The following PLCH1 variants were observed in gnomAD, a reference collection of about 807,000 sequenced individuals.
PLCH1 encodes the protein phospholipase C eta 1, also known as 1-phosphatidylinositol 4,5-bisphosphate phosphodiesterase eta-1.
PLCH1 carries 60 observed loss-of-function variants against 126.7 expected under a neutral mutation model. That is an observed-to-expected ratio of 0.47 (90% CI 0.38 to 0.59). PLCH1 has a LOEUF of 0.59. Among genes scored for constraint, PLCH1 ranks in the 20% least tolerant of loss-of-function variants. The pLI is 0.00. For synonymous variants in PLCH1, 719 were observed against 734.9 expected (o/e 0.98, Z 0.35); for missense variants, 1,723 against 2,040.0 (o/e 0.84, Z 2.99).
rs571056076 is a variant in PLCH1 at position 155,636,743 on chromosome 3, T to C, written c.80-40365A>G. On this transcript the variant is annotated intron_variant, in intron 2 of 22. Transcript: ENST00000460012. ...CTTGGGCAACAAGAGTGAAACTCCA[T>C]CTCAAAAAAAAAAAAATTAGATTTT... 3.8e-5 allele frequency among the ~76,000 whole-genome samples: 5 copies of C among 132,328 alleles called. No individual in the cohort carries two copies. The South Asian group carries it at 1.1e-3, about 28-fold the overall frequency. 86.8% of individuals were successfully genotyped at this position (132,328 alleles called of 152,430 possible). A position where few individuals can be genotyped will look rare whatever the true frequency, so the allele number is the denominator to read the frequency against.
chr3:155,525,449 C>T (rs753581807), intron 10 of PLCH1, among the ~76,000 whole-genome samples: 1 of 152,166 alleles, frequency 6.6e-6, no homozygotes, highest in Non-Finnish European at 1.5e-5. Flanking sequence ...TAATCTTGGA[C>T]TTCCCAGCAT....
chr3:155,532,130 A>G (rs928619773), intron 10 of PLCH1, among the ~76,000 whole-genome samples: 2 of 152,276 alleles, frequency 1.3e-5, no homozygotes, highest in Middle Eastern at 3.4e-3. Flanking sequence ...GTAGTTTTTG[A>G]TTGAAAGTGA....
chr3:155,454,673 A>C (rs1389970863), intron 21 of PLCH1, among the ~76,000 whole-genome samples: 1 of 152,228 alleles, frequency 6.6e-6, no homozygotes, highest in Non-Finnish European at 1.5e-5. Context: ...TTTGCTTTTG[A>C]AAGAGTCCTA....
chr3:155,676,333 A>G, intron 2 of PLCH1: 1 of 1,088,570 alleles, frequency 9.2e-7, no homozygotes. Context: ...GGCTGCCGCT[A>G]TTGTGGGAAT....
At chr3:155,620,606 C>A (rs73005062) in intron 2 of PLCH1, among the ~76,000 whole-genome samples, 8,008 of 152,172 alleles carry the variant, frequency 0.053, 442 homozygotes, top group African/African-American at 0.13. Context: ...AAGAAAGAAC[C>A]AAAGTAAGAA....
chr3:155,581,055 C>T (rs1730595885), intron 6 of PLCH1, among the ~76,000 whole-genome samples: 1 of 152,176 alleles, frequency 6.6e-6, no homozygotes, highest in South Asian at 2.1e-4. Flanking sequence ...GTCTCAAATC[C>T]TTGTTAACAC....
intron 2 of PLCH1, among the ~76,000 whole-genome samples, chr3:155,694,169 T>C (rs889791126): frequency 2.0e-5 from 3 of 152,138 alleles, no homozygotes; most frequent in Non-Finnish European, 4.4e-5. Context: ...AGAAAATATG[T>C]ATTGGTCATA....
chr3:155,727,923 C>T (rs927352925), intron 1 of PLCH1, among the ~76,000 whole-genome samples: 106 of 151,496 alleles, frequency 7.0e-4, no homozygotes, highest in African/African-American at 2.5e-3. Context: ...TTCACACTTA[C>T]ATTAAAGCAG....
chr3:155,715,762 A>G (rs1219349579), intron 1 of PLCH1, among the ~76,000 whole-genome samples: 1 of 151,744 alleles, frequency 6.6e-6, no homozygotes, highest in African/African-American at 2.4e-5. Flanking sequence ...ACAGGTGTAC[A>G]CCACCATGCC....
chr3:155,665,824 C>A (rs1009866958), intron 2 of PLCH1, among the ~76,000 whole-genome samples: 2 of 152,110 alleles, frequency 1.3e-5, no homozygotes, highest in Admixed American at 6.5e-5. Flanking sequence ...CACAAATAAT[C>A]TCATACTCAA....
rs1728120084 is a variant in PLCH1 at position 155,564,906 on chromosome 3, T to A, written c.1069+9A>T. The A allele has an allele frequency of 6.2e-7, 1 of 1,603,700 alleles. No individual in the cohort carries two copies. The highest frequency in any genetic ancestry group is 2.2e-5 in the East Asian group (1 of 44,836). On this transcript the variant is annotated intron_variant, in intron 8 of 22. Transcript: ENST00000460012. ...CATACACACCGGAGCTCAGAAAAAGTGCACGTACCTTCCACACAGCGACAG... is the reference window on the plus strand; with the variant it reads ...CATACACACCGGAGCTCAGAAAAAGAGCACGTACCTTCCACACAGCGACAG...
chr3:155,736,906 A>C (rs1749221768), intron 1 of PLCH1, among the ~76,000 whole-genome samples: 1 of 151,450 alleles, frequency 6.6e-6, no homozygotes, highest in Admixed American at 6.6e-5. Flanking sequence ...TTATGTATTA[A>C]GTTGAAAGCT....
chr3:155,523,005 C>G (rs545020741), intron 11 of PLCH1, among the ~76,000 whole-genome samples: 33 of 151,732 alleles, frequency 2.2e-4, no homozygotes, highest in Admixed American at 1.1e-3. Context: ...GACGGAGTCT[C>G]GCTCTGTCGC....
At position 155,639,726 on chromosome 3, in the gene PLCH1, A is replaced by T. The variant is rs576650551; in HGVS notation, c.80-43348T>A. Among the ~76,000 whole-genome samples the T allele has an allele frequency of 7.2e-5, 11 of 152,294 alleles. No individual in the cohort carries two copies. The South Asian group carries it at 2.3e-3, about 32-fold the overall frequency. On this transcript the variant is annotated intron_variant, in intron 2 of 22. Transcript: ENST00000460012. The stretch of plus-strand genomic sequence containing the variant: ...CAGATTCACTTTCCCGGGAACTGGA[A>T]ATAGAACCTTGATATGGTTTGCATT...
chr3:155,700,180 C>G (rs541953864), intron 2 of PLCH1, among the ~76,000 whole-genome samples: 1 of 152,238 alleles, frequency 6.6e-6, no homozygotes, highest in African/African-American at 2.4e-5. Context: ...CTTCAGGATC[C>G]CGTTTCAGCC....
At chr3:155,723,953 CA>C (rs34436223) in intron 1 of PLCH1, among the ~76,000 whole-genome samples, 1,481 of 80,034 alleles carry the variant, frequency 0.019, 10 homozygotes, top group African/African-American at 0.047. Context: ...AACTCCATCT[CA>C]AAAAAAAAAA....
intron 11 of PLCH1, among the ~76,000 whole-genome samples, chr3:155,520,418 T>C (rs73874832): frequency 0.025 from 3,831 of 152,292 alleles, 97 homozygotes; most frequent in African/African-American, 0.062. Flanking sequence ...TACATGTCAC[T>C]GCACCAGGAC....
chr3:155,537,224 A>AAC (rs1723545749), intron 10 of PLCH1, among the ~76,000 whole-genome samples: 1 of 10,166 alleles, frequency 9.8e-5, no homozygotes, highest in African/African-American at 1.5e-4. Context: ...AAAAAAAAAA[A>AAC]AAAAAAAAAC....
chr3:155,512,706 C>T (rs188884029), intron 12 of PLCH1, among the ~76,000 whole-genome samples: 1 of 152,226 alleles, frequency 6.6e-6, no homozygotes. Flanking sequence ...TGGGTGTCAC[C>T]GCTAGGAGCC....
Sources: gnomAD v4.1 joint callset for allele counts (sites outside exome capture counted in the v4.1 genomes callset) on GRCh38, gnomAD v4.1.1 for gene constraint, MANE v1.5 for transcripts, NCBI Gene and HGNC (gene_info 2026-07-23, HGNC 2026-07-21) for gene names.